NCOA6: variants seen among roughly 807,000 people sequenced by gnomAD.
NCOA6 encodes the protein NRC RAP250.
In NCOA6, 49 loss-of-function variants were observed where a neutral mutation model predicts 171.4. The ratio of observed to expected loss-of-function variants is 0.29; its 90% CI spans 0.23 to 0.36. NCOA6 has a LOEUF of 0.36. Among genes scored for constraint, NCOA6 ranks in the 10% least tolerant of loss-of-function variants. The pLI is 1.00. For synonymous variants in NCOA6, 910 were observed against 927.5 expected (o/e 0.98, Z 0.34); for missense variants, 2,248 against 2,554.5 (o/e 0.88, Z 2.59).
At chr20:34,751,087 T>C (rs1289945686) in intron 8 of NCOA6, among the ~76,000 whole-genome samples, 2 of 152,050 alleles carry the variant, frequency 1.3e-5, no homozygotes, top group Non-Finnish European at 1.5e-5. Flanking sequence ...ATGTGAAGTG[T>C]CGGCCGGGCG....
chr20:34,786,311 T>G (rs2077679382), intron 2 of NCOA6, among the ~76,000 whole-genome samples: 1 of 152,190 alleles, frequency 6.6e-6, no homozygotes, highest in Admixed American at 6.5e-5. Context: ...CTGGATTCAC[T>G]GATTTTTTGA....
chr20:34,761,189 T>C (rs2076807173), intron 5 of NCOA6, among the ~76,000 whole-genome samples: 1 of 152,202 alleles, frequency 6.6e-6, no homozygotes, highest in Non-Finnish European at 1.5e-5. Flanking sequence ...CTTATCTCTA[T>C]TCTTATCTGT....
At chr20:34,803,477 G>GAAAAAAAAAAAAAAA (rs140810484) in intron 1 of NCOA6, among the ~76,000 whole-genome samples, 2 of 127,510 alleles carry the variant, frequency 1.6e-5, no homozygotes, top group African/African-American at 2.9e-5. Context: ...AAAAAAAAAA[G>GAAAAAAAAAAAAAAA]AAAAAAAAAA....
rs200049074 is a variant in NCOA6 at position 34,743,066 on chromosome 20, C to T, written c.3190G>A (p.Asp1064Asn). 9.9e-6 allele frequency: 16 copies of T among 1,613,624 alleles called. No individual in the cohort carries two copies. Among genetic ancestry groups the T allele is most frequent in the South Asian group, 3.3e-5 (3 of 91,018 alleles). ...VHPPRGPLNP[D>N]SQRMPMQQSG... is the part of the protein sequence containing the mutation. Reference sequence around the variant, plus strand: ...TGTTGCATGGGCATTCTCTGGGAGTCGGGGTTCAGGGGGCCCCTTGGAGGA... The same window carrying T: ...TGTTGCATGGGCATTCTCTGGGAGTTGGGGTTCAGGGGGCCCCTTGGAGGA... Residue 1064 changes from aspartate to asparagine, a missense_variant, in exon 11 of 15, where the codon GAC becomes AAC. By Grantham distance (23) the Asp-to-Asn change is conservative (BLOSUM62 1). Transcript: ENST00000359003.
chr20:34,716,126 G>A (rs188578930), intron 14 of NCOA6, among the ~76,000 whole-genome samples: 1 of 152,094 alleles, frequency 6.6e-6, no homozygotes, highest in African/African-American at 2.4e-5. Flanking sequence ...GGCTGAGGCA[G>A]GGGAATTGCT....
At chr20:34,727,533 A>G in intron 13 of NCOA6, 126 bp from the exon 14 acceptor site, 1 of 1,057,636 alleles carries the variant, frequency 9.5e-7, no homozygotes, top group South Asian at 1.6e-5. Flanking sequence ...CTGGAGAGAA[A>G]GCAGTTCAAC....
At chr20:34,792,351 TAC>T (rs745455556) in intron 2 of NCOA6, 97 bp downstream of exon 2, 8 of 386,094 alleles carry the variant, frequency 2.1e-5, no homozygotes, top group Non-Finnish European at 3.6e-5. Flanking sequence ...AAATGCATTC[TAC>T]ACAGTTTTTC....
intron 14 of NCOA6, among the ~76,000 whole-genome samples, chr20:34,717,360 GA>G (rs754740490): frequency 6.6e-6 from 1 of 152,234 alleles, no homozygotes; most frequent in Non-Finnish European, 1.5e-5. Context: ...TAAGGCAGGA[GA>G]ATTGCTTGAG....
intron 14 of NCOA6, among the ~76,000 whole-genome samples, chr20:34,720,227 T>C (rs976786617): frequency 6.6e-6 from 1 of 152,258 alleles, no homozygotes; most frequent in Non-Finnish European, 1.5e-5. Context: ...TGTGTTTTTG[T>C]GGCAAATTCA....
At chr20:34,758,127 G>A in intron 6 of NCOA6, 23 bp from the exon 7 acceptor site, 5 of 1,579,360 alleles carry the variant, frequency 3.2e-6, no homozygotes, top group Non-Finnish European at 4.3e-6. Flanking sequence ...AGTCAACAAA[G>A]CAATAATTAA....
intron 2 of NCOA6, among the ~76,000 whole-genome samples, chr20:34,791,224 C>G (rs8121046): frequency 0.029 from 4,398 of 152,254 alleles, 225 homozygotes; most frequent in African/African-American, 0.1. Context: ...CAGAACTCAG[C>G]CCACTCCATA....
At chr20:34,743,684 T>C (rs1302414359) in intron 10 of NCOA6, among the ~76,000 whole-genome samples, 1 of 152,104 alleles carries the variant, frequency 6.6e-6, no homozygotes, top group Admixed American at 6.5e-5. Context: ...TGAGAAAAAC[T>C]CCATCAACAT....
chr20:34,760,760 T>C (rs1380464142), intron 5 of NCOA6, among the ~76,000 whole-genome samples: 2 of 152,254 alleles, frequency 1.3e-5, no homozygotes, highest in East Asian at 1.9e-4. Flanking sequence ...GCATAGTTAA[T>C]TGTGGAATAT....
chr20:34,718,622 C>T (rs1398792079), intron 14 of NCOA6, among the ~76,000 whole-genome samples: 1 of 152,108 alleles, frequency 6.6e-6, no homozygotes, highest in Non-Finnish European at 1.5e-5. Context: ...TCTCCTGCCT[C>T]AGCCTCCCTA....
rs1460133110 is a variant in NCOA6, at chr20:34,740,845, G to C, written c.5411C>G (p.Ser1804Cys). The C allele has an allele frequency of 5.6e-6, 9 of 1,614,122 alleles. No individual in the cohort carries two copies. In the Admixed American group the frequency reaches 1.5e-4, roughly 27 times the overall value. ...SPLLTNSPGSSGNRRSPVSSS... is the reference protein window; with the variant it reads ...SPLLTNSPGSCGNRRSPVSSS... Reference sequence around the variant, plus strand: ...CGAGACTGGGCTTCGCCGGTTGCCAGAGGACCCTGGACTATTGGTCAAAAG... The same window carrying C: ...CGAGACTGGGCTTCGCCGGTTGCCACAGGACCCTGGACTATTGGTCAAAAG... The change falls in exon 11 of 15, where the codon TCT (serine) becomes TGT (cysteine). Residue 1804 changes from serine to cysteine, a missense_variant. Transcript: ENST00000359003.
chr20:34,771,768 C>T (rs113822983), intron 4 of NCOA6, among the ~76,000 whole-genome samples: 15 of 152,306 alleles, frequency 9.8e-5, no homozygotes, highest in East Asian at 3.9e-4. Flanking sequence ...CTGCACTCTT[C>T]GCATAGCTAG....
intron 1 of NCOA6, among the ~76,000 whole-genome samples, chr20:34,814,460 T>C (rs1206179926): frequency 1.3e-5 from 2 of 152,076 alleles, no homozygotes; most frequent in African/African-American, 2.4e-5. Flanking sequence ...AATATACAGA[T>C]GTGTAGAAAA....
chr20:34,754,963 T>C (rs2076602480), intron 7 of NCOA6, 95 bp from the exon 8 acceptor site: 6 of 1,291,112 alleles, frequency 4.6e-6, no homozygotes, highest in Non-Finnish European at 6.5e-6. Flanking sequence ...GCATGAAGTC[T>C]CCACTGGCTT....
intron 3 of NCOA6, among the ~76,000 whole-genome samples, chr20:34,778,080 T>C (rs1339207025): frequency 2.6e-5 from 4 of 152,152 alleles, no homozygotes; most frequent in Admixed American, 1.3e-4. Flanking sequence ...AATTTTTGTA[T>C]TTTTAGTAGA....
Sources: allele counts gnomAD v4.1 joint callset (sites outside exome capture counted in the v4.1 genomes callset), GRCh38; gene constraint gnomAD v4.1.1; transcripts MANE v1.5; gene names NCBI Gene and HGNC (gene_info 2026-07-23, HGNC 2026-07-21).